The following CHRAC1 variants were observed in gnomAD, a reference collection of about 807,000 sequenced individuals.
The protein encoded by CHRAC1 is chromatin accessibility complex protein 1.
CHRAC1 carries 6 observed loss-of-function variants against 9.1 expected under a neutral mutation model. The observed-to-expected ratio is 0.66, with a 90% CI of 0.36 to 1.29. The LOEUF is 1.29. Ranked by LOEUF, CHRAC1 falls within the 50% of genes most tolerant of loss-of-function variation. CHRAC1 has a pLI of 0.03. For missense variants in CHRAC1, 168 were observed against 163.5 expected (o/e 1.03, Z -0.15); for synonymous variants, 73 against 64.5 (o/e 1.13, Z -0.63).
intron 1 of CHRAC1, chr8:140,512,017 G>A (rs1158011979): frequency 3.7e-5 from 48 of 1,285,482 alleles, no homozygotes; most frequent in South Asian, 1.6e-4. Flanking sequence ...GCTTCCATTC[G>A]GCAAACCCGT....
chr8:140,511,907 C>T lies in CHRAC1; in HGVS notation c.147+261C>T, dbSNP rs529773033. The T allele has an allele frequency of 7.6e-4, 812 of 1,063,608 alleles. 1 individual carries two copies. The highest frequency in any genetic ancestry group is 9.6e-4 in the Non-Finnish European group (741 of 771,114). 65.9% of individuals were successfully genotyped at this position (1,063,608 alleles called of 1,614,324 possible). Reference sequence around the variant, plus strand: ...TTTCTTCGCCTCGCCTACCGCGCGCCTCTCCCGCCCTTTGTCGCCTTCCTT... The same window carrying T: ...TTTCTTCGCCTCGCCTACCGCGCGCTTCTCCCGCCCTTTGTCGCCTTCCTT... On this transcript the variant is annotated intron_variant, in intron 1 of 2. Transcript: ENST00000220913.
At position 140,511,571 on chromosome 8, in the gene CHRAC1, C is replaced by T; in HGVS notation, c.72C>T (p.Ile24=). The change falls in exon 1 of 3, where the codon ATC becomes ATT. Residue 24 remains isoleucine (I), a synonymous_variant. Coordinates refer to ENST00000220913, the MANE Select transcript of CHRAC1 (RefSeq NM_017444.6). The part of the protein sequence containing the change: ...QRLISLPLSR[I]RVIMKSSPEV... ...TCATCTCGCTGCCTCTATCCCGCAT[C>T]CGGGTCATCATGAAGAGCTCCCCCG... 1 of 1,474,366 alleles carries T rather than the reference C, an allele frequency of 6.8e-7. No homozygotes were observed. The highest frequency in any genetic ancestry group is 9.0e-7 in the Non-Finnish European group (1 of 1,105,608). 91.3% of individuals were successfully genotyped at this position (1,474,366 alleles called of 1,614,324 possible).
At chr8:140,512,085 C>G in intron 1 of CHRAC1, 1 of 1,190,990 alleles carries the variant, frequency 8.4e-7, no homozygotes. Flanking sequence ...CTCACGTCCT[C>G]CCTCGCGTGC....
Position 140,515,397 on chromosome 8 carries a change from C to A in CHRAC1, c.*150C>A. On this transcript the variant is annotated 3_prime_UTR_variant, in exon 3 of 3. Transcript: ENST00000220913. ...ATTCTTTCGAGGTATTCTTTCCAGG[C>A]CGAGATTGAGCACCTCATGTACCTA... is the stretch of plus-strand genomic sequence containing the variant. 3.6e-6 allele frequency: 3 copies of A among 826,302 alleles called. No homozygotes were observed. Among genetic ancestry groups the A allele is most frequent in the South Asian group, 1.9e-5 (1 of 53,546 alleles). The allele number at this position is 826,302 out of a possible 1,614,324, so 51.2% of individuals were successfully genotyped here.
At position 140,517,121 on chromosome 8, in the gene CHRAC1, T is replaced by C. The variant is rs967296201; in HGVS notation, c.*1874T>C. The C allele has an allele frequency of 4.6e-5, 7 of 152,346 alleles. No individual in the cohort carries two copies. The East Asian group carries it at 7.7e-4, about 17-fold the overall frequency. 9.4% of individuals were successfully genotyped at this position (152,346 alleles called of 1,614,324 possible). A position where few individuals can be genotyped will look rare whatever the true frequency, so the allele number is the denominator to read the frequency against. On this transcript the variant is annotated 3_prime_UTR_variant, in exon 3 of 3. Transcript: ENST00000220913. ...AATAATGTAAATACTTGCTAGCTTA[T>C]GTGCCATTAAAAAATGACTTGATTT...
Position 140,515,308 on chromosome 8 carries a change from T to C in CHRAC1, c.*61T>C. 5 of 1,569,884 alleles carry C rather than the reference T, an allele frequency of 3.2e-6. No individual in the cohort carries two copies. The highest frequency in any genetic ancestry group is 4.3e-6 in the Non-Finnish European group (5 of 1,154,902). ...AGCCCTGGACCCACTCCACTGTCTC[T>C]AAGTAAACACAGCACTGCCCGCTTT... On this transcript the variant is annotated 3_prime_UTR_variant, in exon 3 of 3. Transcript: ENST00000220913.
Position 140,512,066 on chromosome 8 carries a change from A to G in CHRAC1, c.147+420A>G. 2.4e-6 allele frequency: 3 copies of G among 1,254,484 alleles called. No individual in the cohort carries two copies. The South Asian group carries it at 3.8e-5, about 16-fold the overall frequency. The allele number at this position is 1,254,484 out of a possible 1,614,324, so 77.7% of individuals were successfully genotyped here. ...CCTCTGCGCGCCTTTCGTCCCTCCC[A>G]CCTGTGCGCTCACGTCCTCCCTCGC... On this transcript the variant is annotated intron_variant, in intron 1 of 2. Coordinates refer to ENST00000220913, the MANE Select transcript of CHRAC1 (RefSeq NM_017444.6).
intron 2 of CHRAC1, 163 bp downstream of exon 2, chr8:140,514,658 C>T (rs1292801026): frequency 1.9e-6 from 1 of 535,976 alleles, no homozygotes; most frequent in South Asian, 2.6e-5. Flanking sequence ...TTTTAGTCTT[C>T]TCTGTTTGAA....
chr8:140,511,731 G>T (rs980750663), intron 1 of CHRAC1, 85 bp downstream of exon 1: 9 of 1,195,234 alleles, frequency 7.5e-6, no homozygotes, highest in Non-Finnish European at 9.6e-6. Flanking sequence ...AGTCCCCTTA[G>T]GCCCGCGCGC....
chr8:140,511,924 GCCTTCCTTCGCTCCGCCCGCC>G, intron 1 of CHRAC1: 1 of 1,203,538 alleles, frequency 8.3e-7, no homozygotes, highest in Non-Finnish European at 1.1e-6. Flanking sequence ...GCCCTTTGTC[GCCTTCCTTCGCTCCGCCCGCC>G]CCTTCCTTCC....
chr8:140,515,423 C>A lies in CHRAC1; in HGVS notation c.*176C>A. On this transcript the variant is annotated 3_prime_UTR_variant, in exon 3 of 3. Coordinates refer to ENST00000220913, the MANE Select transcript of CHRAC1 (RefSeq NM_017444.6). The stretch of plus-strand genomic sequence containing the variant: ...CGAGATTGAGCACCTCATGTACCTA[C>A]GCCACAGACAGCCAGAGGGAAAGCG... 1.8e-6 allele frequency: 1 copy of A among 542,500 alleles called. No homozygotes were observed. The highest frequency in any genetic ancestry group is 3.0e-6 in the Non-Finnish European group (1 of 331,020). The allele number at this position is 542,500 out of a possible 1,614,324, so 33.6% of individuals were successfully genotyped here. A position where few individuals can be genotyped will look rare whatever the true frequency, so the allele number is the denominator to read the frequency against.
chr8:140,511,879 C>T (rs1000536307), intron 1 of CHRAC1: 24 of 815,692 alleles, frequency 2.9e-5, no homozygotes, highest in Admixed American at 6.8e-5. Flanking sequence ...TCACGTTCTC[C>T]AGTTTCTTCG....
At chr8:140,513,603 G>GT (rs572166192) in intron 1 of CHRAC1, among the ~76,000 whole-genome samples, 16,629 of 143,588 alleles carry the variant, frequency 0.12, 1,069 homozygotes, top group Middle Eastern at 0.18. Flanking sequence ...GGCTAATTTT[G>GT]TTTTTTTTTT....
At chr8:140,515,080 A>C in intron 2 of CHRAC1, 46 bp from the exon 3 acceptor site, 3 of 1,588,674 alleles carry the variant, frequency 1.9e-6, no homozygotes, top group Non-Finnish European at 2.6e-6. Context: ...TGCTGTGTTC[A>C]TAGTCTACCA....
Position 140,511,650 on chromosome 8 carries a change from AG to A in CHRAC1, c.147+9del, listed in dbSNP as rs749264497. 8.0e-5 allele frequency: 112 copies of A among 1,402,920 alleles called. No homozygotes were observed. In the East Asian group the frequency reaches 2.9e-3, roughly 36 times the overall value. 86.9% of individuals were successfully genotyped at this position (1,402,920 alleles called of 1,614,324 possible). A position where few individuals can be genotyped will look rare whatever the true frequency, so the allele number is the denominator to read the frequency against. On this transcript the variant is annotated splice_donor_5th_base_variant and intron_variant, in intron 1 of 2. Transcript: ENST00000220913. ...GGTGCTCACGGCCAAGGCCACGGTG[AG>A]GGGGCAGGGCGGGGGTGTGGGCCGC...
chr8:140,512,121 T>A, intron 1 of CHRAC1: 1 of 899,866 alleles, frequency 1.1e-6, no homozygotes, highest in South Asian at 1.5e-5. Context: ...GCCCTACCCG[T>A]GGGCGTCGGC....
Position 140,515,345 on chromosome 8 carries a change from C to A in CHRAC1, c.*98C>A. On this transcript the variant is annotated 3_prime_UTR_variant, in exon 3 of 3. Coordinates refer to ENST00000220913, the MANE Select transcript of CHRAC1 (RefSeq NM_017444.6). ...GCACTGCCCGCTTTTAGCGTCTTCA[C>A]TTCTTCACAGAGTTCCAGTGTGTGG... 1 of 1,284,998 alleles carries A rather than the reference C, an allele frequency of 7.8e-7. No homozygotes were observed. The highest frequency in any genetic ancestry group is 1.1e-6 in the Non-Finnish European group (1 of 919,830). The allele number at this position is 1,284,998 out of a possible 1,614,324, so 79.6% of individuals were successfully genotyped here.
In CHRAC1 at chr8:140,514,769, G is replaced by A. The variant is rs878958555; in HGVS notation, c.274+274G>A. The A allele has an allele frequency of 6.1e-5, 22 of 362,840 alleles. No homozygotes were observed. The South Asian group carries it at 8.6e-4, about 14-fold the overall frequency. 22.5% of individuals were successfully genotyped at this position (362,840 alleles called of 1,614,324 possible). A position where few individuals can be genotyped will look rare whatever the true frequency, so the allele number is the denominator to read the frequency against. On this transcript the variant is annotated intron_variant, in intron 2 of 2. Coordinates refer to ENST00000220913, the MANE Select transcript of CHRAC1 (RefSeq NM_017444.6). Reference sequence around the variant, plus strand: ...CTGGGCAGTCCTTTACTCTCTACAGGGACCCTGCCTGCCACTGAAGGGAAA... The same window carrying A: ...CTGGGCAGTCCTTTACTCTCTACAGAGACCCTGCCTGCCACTGAAGGGAAA...
At chr8:140,511,743 G>A (rs2132812949) in intron 1 of CHRAC1, 97 bp downstream of exon 1, 1 of 1,120,556 alleles carries the variant, frequency 8.9e-7, no homozygotes, top group Non-Finnish European at 1.1e-6. Flanking sequence ...CCCGCGCGCC[G>A]CCGGCTGCTC....
Sources: allele counts gnomAD v4.1 joint callset (sites outside exome capture counted in the v4.1 genomes callset), GRCh38; gene constraint gnomAD v4.1.1; transcripts MANE v1.5; gene names NCBI Gene and HGNC (gene_info 2026-07-23, HGNC 2026-07-21).